The following GNAL variants were observed in gnomAD, a reference collection of about 807,000 sequenced individuals.
GNAL encodes the protein G protein subunit alpha L, also known as guanine nucleotide-binding protein G(olf) subunit alpha.
In GNAL, 18 loss-of-function variants were observed where a neutral mutation model predicts 55.1. That is an observed-to-expected ratio of 0.33 (90% CI 0.23 to 0.48). GNAL has a LOEUF of 0.48. Ranked by LOEUF, GNAL falls within the 20% of genes least tolerant of loss-of-function variation. The pLI, the probability that GNAL is intolerant of heterozygous loss-of-function variation, is 0.99. For missense variants in GNAL, 412 were observed against 614.1 expected, an observed-to-expected ratio of 0.67 and a Z score of 3.48; for synonymous variants, 253 against 237.0, an observed-to-expected ratio of 1.07 and a Z score of -0.62.
rs1018756190 is a variant in GNAL at position 11,880,420 on chromosome 18, T to G, written c.1231-569T>G. On this transcript the variant is annotated intron_variant, in intron 11 of 11. Transcript: ENST00000334049. ...CCCGTCTCTACTAAAAATACAAAAA[T>G]TAGCCAGGCGTGGGCACGGTGATGG... is the stretch of plus-strand genomic sequence containing the variant. Among the ~76,000 whole-genome samples the G allele has an allele frequency of 8.7e-5, 13 of 149,054 alleles. No homozygotes were observed. In the South Asian group the frequency reaches 1.1e-3, roughly 12 times the overall value.
At chr18:11,692,748 C>G (rs1332589340) in intron 1 of GNAL, among the ~76,000 whole-genome samples, 4 of 151,618 alleles carry the variant, frequency 2.6e-5, no homozygotes, top group African/African-American at 7.3e-5. Flanking sequence ...AAAACCCCAT[C>G]TCTACAAAAA....
At chr18:11,832,785 G>A (rs937265313) in intron 5 of GNAL, among the ~76,000 whole-genome samples, 8 of 151,782 alleles carry the variant, frequency 5.3e-5, no homozygotes, top group Admixed American at 1.3e-4. Context: ...GCTTGAACCC[G>A]GGAGGCAGAG....
At chr18:11,797,000 G>T (rs1441814480) in intron 4 of GNAL, among the ~76,000 whole-genome samples, 2 of 152,152 alleles carry the variant, frequency 1.3e-5, no homozygotes, top group East Asian at 3.9e-4. Flanking sequence ...TGCCACCCAG[G>T]CTGGAGTGCA....
Position 11,751,440 on chromosome 18 carries a change from C to T in GNAL, c.377-1413C>T, listed in dbSNP as rs2032822749. The stretch of plus-strand genomic sequence containing the variant: ...GGGGGCTGGAGGTAAAGACAGGAGG[C>T]TCGGGAGGCGGCGACGTGGGCGAGC... On this transcript the variant is annotated intron_variant, in intron 1 of 11. Transcript: ENST00000334049. The surrounding 1 kb of genome is among the most constrained non-coding windows in gnomAD (Gnocchi z 4.5). 2 of 896,828 alleles carry T rather than the reference C, an allele frequency of 2.2e-6. No individual in the cohort carries two copies. Among genetic ancestry groups the T allele is most frequent in the Middle Eastern group, 5.6e-4 (1 of 1,792 alleles). The allele number at this position is 896,828 out of a possible 1,614,324, so 55.6% of individuals were successfully genotyped here.
intron 5 of GNAL, among the ~76,000 whole-genome samples, chr18:11,847,887 A>G (rs1158840897): frequency 2.0e-5 from 3 of 152,246 alleles, no homozygotes; most frequent in Non-Finnish European, 4.4e-5. Flanking sequence ...CAGACCCTGA[A>G]GGTTGTCAAC....
At chr18:11,709,195 C>T (rs1255179363) in intron 1 of GNAL, among the ~76,000 whole-genome samples, 1 of 152,082 alleles carries the variant, frequency 6.6e-6, no homozygotes, top group Non-Finnish European at 1.5e-5. Flanking sequence ...GTTTTAATTA[C>T]TGTAACTGTG....
chr18:11,786,702 C>T (rs997972313), intron 4 of GNAL, among the ~76,000 whole-genome samples: 13 of 151,458 alleles, frequency 8.6e-5, no homozygotes, highest in East Asian at 3.9e-4. Flanking sequence ...CTGCCCACCT[C>T]GGCCTCCCAA....
chr18:11,714,111 C>G (rs2031899198), intron 1 of GNAL, among the ~76,000 whole-genome samples: 1 of 152,220 alleles, frequency 6.6e-6, no homozygotes, highest in African/African-American at 2.4e-5. Context: ...ATTGTAGTCT[C>G]TCCCACCCTT....
At chr18:11,715,158 A>C (rs1265881878) in intron 1 of GNAL, among the ~76,000 whole-genome samples, 1 of 150,922 alleles carries the variant, frequency 6.6e-6, no homozygotes, top group African/African-American at 2.5e-5. Flanking sequence ...AAAAAAAAGA[A>C]AGAAAAGAAA....
Position 11,693,690 on chromosome 18 carries a change from T to C in GNAL, c.376+3751T>C, listed in dbSNP as rs535782684. Among the ~76,000 whole-genome samples the C allele has an allele frequency of 6.6e-5, 10 of 151,692 alleles. No individual in the cohort carries two copies. The South Asian group carries it at 1.9e-3, about 28-fold the overall frequency. ...GGAAATGTGCACCGAAAGCTGGGCA[T>C]TGGGTTCAGAGACCTCAGACCCAGG... On this transcript the variant is annotated intron_variant, in intron 1 of 11. Transcript: ENST00000334049.
chr18:11,824,818 T>C, intron 4 of GNAL, 100 bp from the exon 5 acceptor site: 1 of 638,300 alleles, frequency 1.6e-6, no homozygotes, highest in Admixed American at 3.0e-5. Context: ...ATCTGAATGC[T>C]ACTTGCAAAA....
intron 5 of GNAL, 149 bp downstream of exon 5, chr18:11,825,164 T>C (rs949486355): frequency 1.0e-4 from 60 of 591,272 alleles, no homozygotes; most frequent in Non-Finnish European, 1.3e-4. Flanking sequence ...AAATGAGACA[T>C]GTTTAGTAGA....
At chr18:11,855,102 G>T (rs1293147585) in intron 5 of GNAL, among the ~76,000 whole-genome samples, 2 of 151,524 alleles carry the variant, frequency 1.3e-5, no homozygotes, top group Non-Finnish European at 2.9e-5. Context: ...TGTTTTTGTT[G>T]TTGTTGTTGT....
At chr18:11,796,589 A>AAAAAAC (rs2034392495) in intron 4 of GNAL, among the ~76,000 whole-genome samples, 1 of 147,032 alleles carries the variant, frequency 6.8e-6, no homozygotes, top group Non-Finnish European at 1.5e-5. Flanking sequence ...AAAAAAAAAA[A>AAAAAAC]AAAAAACAAA....
chr18:11,726,128 G>C (rs2032206276), intron 1 of GNAL, among the ~76,000 whole-genome samples: 1 of 152,218 alleles, frequency 6.6e-6, no homozygotes, highest in East Asian at 1.9e-4. Flanking sequence ...TGTTGCACCA[G>C]ATCACTGTAG....
At position 11,885,109 on chromosome 18, in the gene GNAL, A is replaced by G. The variant is rs1370566428; in HGVS notation, c.*3974A>G. On this transcript the variant is annotated 3_prime_UTR_variant, in exon 12 of 12. Coordinates refer to ENST00000334049, the MANE Select transcript of GNAL (RefSeq NM_182978.4). ...TTTGCAGATACTTTTATGTGGAACA[A>G]CAGTGGCAAATGTTTTCATTTACTT... The G allele has an allele frequency of 9.5e-6, 11 of 1,153,140 alleles. No individual in the cohort carries two copies. In the Admixed American group the frequency reaches 1.9e-4, roughly 20 times the overall value. 71.4% of individuals were successfully genotyped at this position (1,153,140 alleles called of 1,614,324 possible).
intron 1 of GNAL, among the ~76,000 whole-genome samples, chr18:11,699,567 GT>G (rs1443788691): frequency 5.4e-4 from 81 of 149,628 alleles, no homozygotes; most frequent in African/African-American, 1.9e-3. Flanking sequence ...GAGGGGGGGG[GT>G]TGGCTTTAAG....
At chr18:11,706,937 C>T (rs939366867) in intron 1 of GNAL, among the ~76,000 whole-genome samples, 3 of 152,208 alleles carry the variant, frequency 2.0e-5, no homozygotes, top group Non-Finnish European at 4.4e-5. Flanking sequence ...GTTCATGTTG[C>T]TATTTTGACC....
chr18:11,695,909 T>TGCACGCAC (rs1180843452), intron 1 of GNAL, among the ~76,000 whole-genome samples: 1,660 of 111,760 alleles, frequency 0.015, 19 homozygotes, highest in African/African-American at 0.055. Context: ...TGCTCAGACA[T>TGCACGCAC]GCATGCACGC....
Sources: gnomAD v4.1 joint callset for allele counts (sites outside exome capture counted in the v4.1 genomes callset) on GRCh38, gnomAD v4.1.1 for gene constraint, Gnocchi (gnomAD v3.1) non-coding constraint, MANE v1.5 for transcripts, NCBI Gene and HGNC (gene_info 2026-07-23, HGNC 2026-07-21) for gene names.